SATL1: variants seen among roughly 807,000 people sequenced by gnomAD.
SATL1 encodes the protein spermidine/spermine N(1)-acetyltransferase-like protein 1.
A neutral mutation model predicts 51.8 loss-of-function variants in SATL1; 47 were observed. The ratio of observed to expected loss-of-function variants is 0.91; its 90% confidence interval spans 0.72 to 1.16. The LOEUF is 1.16. Ranked by LOEUF, SATL1 falls within the 50% of genes most tolerant of loss-of-function variation. The pLI, the probability that SATL1 is intolerant of heterozygous loss-of-function variation, is 0.00. For missense variants in SATL1, 520 were observed against 526.4 expected (o/e 0.99, Z 0.12); for synonymous variants, 176 against 182.4 (o/e 0.97, Z 0.28).
chrX:85,148,911 C>T (rs747149298), intron 2 of SATL1, among the ~76,000 whole-genome samples: 323 of 110,598 alleles, frequency 2.9e-3, no homozygotes, highest in African/African-American at 8.3e-3. Context: ...CATCAACTAA[C>T]GAGCAAAATA....
intron 2 of SATL1, among the ~76,000 whole-genome samples, chrX:85,150,936 A>G (rs1049106121): frequency 3.4e-4 from 38 of 111,199 alleles, no homozygotes; most frequent in Non-Finnish European, 6.8e-4. Flanking sequence ...CACCGCTCCT[A>G]TTCAACACAG....
intron 2 of SATL1, among the ~76,000 whole-genome samples, chrX:85,193,923 T>G (rs1469889112): frequency 8.9e-6 from 1 of 112,070 alleles, no homozygotes; most frequent in Non-Finnish European, 1.9e-5. Context: ...TTGTCGTTGG[T>G]GGGCATTTAG....
At chrX:85,144,402 C>A (rs1230403603) in intron 2 of SATL1, among the ~76,000 whole-genome samples, 1 of 111,556 alleles carries the variant, frequency 9.0e-6, no homozygotes, top group Admixed American at 9.6e-5. Flanking sequence ...CTAATCTCAT[C>A]AAAGAAGCTT....
At chrX:85,234,786 GA>G (rs1928447243) in intron 1 of SATL1, among the ~76,000 whole-genome samples, 1 of 110,999 alleles carries the variant, frequency 9.0e-6, no homozygotes, top group African/African-American at 3.3e-5. Flanking sequence ...TACAGGAAGG[GA>G]GGAAAGAAGG....
At chrX:85,216,165 C>A (rs996414100) in intron 2 of SATL1, among the ~76,000 whole-genome samples, 3 of 110,813 alleles carry the variant, frequency 2.7e-5, no homozygotes, top group African/African-American at 9.9e-5. Flanking sequence ...GTGACAGGCT[C>A]TTTTTAACAG....
chrX:85,149,612 G>A (rs1200332147), intron 2 of SATL1, among the ~76,000 whole-genome samples: 41 of 107,608 alleles, frequency 3.8e-4, no homozygotes, highest in African/African-American at 1.3e-3. Context: ...ATAACAAACT[G>A]TCTCTCAGAC....
intron 2 of SATL1, among the ~76,000 whole-genome samples, chrX:85,124,629 G>A (rs1009446348): frequency 2.7e-5 from 3 of 111,327 alleles, no homozygotes; most frequent in Non-Finnish European, 5.7e-5. Context: ...CTGTGTGGAG[G>A]GTAGCAAAGA....
chrX:85,097,825 T>C (rs1924776006), intron 4 of SATL1, among the ~76,000 whole-genome samples: 1 of 111,797 alleles, frequency 8.9e-6, no homozygotes, highest in South Asian at 3.7e-4. Context: ...AAAATATCTA[T>C]AAAATACACA....
In SATL1 at chrX:85,173,508, G is replaced by C. The variant is rs1256220466; in HGVS notation, c.-313+50697C>G. Among the ~76,000 whole-genome samples, 6 of 107,546 alleles carry C rather than the reference G, an allele frequency of 5.6e-5. No individual in the cohort carries two copies. In the Admixed American group the frequency reaches 6.0e-4, roughly 11 times the overall value. 93.4% of individuals were successfully genotyped at this position (107,546 alleles called of 115,157 possible). A position where few individuals can be genotyped will look rare whatever the true frequency, so the allele number is the denominator to read the frequency against. ...TTTTCCATGGTTTTCTTTTTTTTAT[G>C]ATATTAAATGTTTTATTTTCTAATA... On this transcript the variant is annotated intron_variant, in intron 2 of 7. Transcript: ENST00000644105.
intron 2 of SATL1, among the ~76,000 whole-genome samples, chrX:85,220,487 A>T (rs1201757018): frequency 1.9e-5 from 2 of 106,732 alleles, no homozygotes; most frequent in Non-Finnish European, 1.9e-5. Flanking sequence ...TGGCTCCAAA[A>T]GAGACCCCTT....
intron 2 of SATL1, among the ~76,000 whole-genome samples, chrX:85,170,780 G>C (rs1001051696): frequency 5.4e-5 from 6 of 111,475 alleles, no homozygotes; most frequent in African/African-American, 1.9e-4. Flanking sequence ...CAATATATGA[G>C]ACAAAAAGAA....
chrX:85,117,922 GCTGT>G (rs1925415890), intron 2 of SATL1, among the ~76,000 whole-genome samples: 1 of 109,397 alleles, frequency 9.1e-6, no homozygotes, highest in Admixed American at 9.9e-5. Context: ...CTTTGTTTTT[GCTGT>G]CTCTTTGCTT....
intron 1 of SATL1, among the ~76,000 whole-genome samples, chrX:85,234,989 T>C (rs1289258693): frequency 3.6e-5 from 4 of 110,249 alleles, no homozygotes; most frequent in Non-Finnish European, 7.6e-5. Flanking sequence ...ACTGCACCCA[T>C]AAAGACACAC....
At chrX:85,100,221 C>A (rs865892008) in intron 4 of SATL1, among the ~76,000 whole-genome samples, 2 of 109,329 alleles carry the variant, frequency 1.8e-5, no homozygotes, top group South Asian at 7.9e-4. Flanking sequence ...AACAAAAAAA[C>A]AAAAAAAATC....
chrX:85,192,676 T>TC (rs1927466145), intron 2 of SATL1, among the ~76,000 whole-genome samples: 1 of 110,584 alleles, frequency 9.0e-6, no homozygotes, highest in Non-Finnish European at 1.9e-5. Flanking sequence ...TCATATATAC[T>TC]CCCCCCATAG....
rs141774005 is a variant in SATL1, at chrX:85,139,647, A to G, written c.-312-30367T>C. Among the ~76,000 whole-genome samples the G allele has an allele frequency of 5.9e-3, 660 of 111,736 alleles. 5 individuals carry two copies. The highest frequency in any genetic ancestry group is 0.02 in the African/African-American group (627 of 30,845). On this transcript the variant is annotated intron_variant, in intron 2 of 7. Transcript: ENST00000644105. ...GAGAGGAACACAAGCTTAGTTCCTCATTACACTGTCCTGAGAAATCTTCGT... is the reference window on the plus strand; with the variant it reads ...GAGAGGAACACAAGCTTAGTTCCTCGTTACACTGTCCTGAGAAATCTTCGT...
chrX:85,133,459 T>G (rs962087256), intron 2 of SATL1, among the ~76,000 whole-genome samples: 2 of 112,446 alleles, frequency 1.8e-5, no homozygotes, highest in African/African-American at 6.5e-5. Context: ...CGCTGAGCCA[T>G]GCGCAGGATA....
At position 85,103,860 on chromosome X, in the gene SATL1, T is replaced by C. The variant is rs758495384; in HGVS notation, c.1693+4A>G. On this transcript the variant is annotated splice_donor_region_variant and intron_variant, in intron 4 of 7. Transcript: ENST00000644105. ...TGCTCTGAAAATACCACAAAACACCTTACCAGCTGCTGTTAACTCCATTGC... is the reference window on the plus strand; with the variant it reads ...TGCTCTGAAAATACCACAAAACACCCTACCAGCTGCTGTTAACTCCATTGC... The C allele has an allele frequency of 8.5e-7, 1 of 1,182,095 alleles. No individual in the cohort carries two copies. Among genetic ancestry groups the C allele is most frequent in the East Asian group, 3.0e-5 (1 of 33,413 alleles).
At chrX:85,163,493 A>G (rs1012914348) in intron 2 of SATL1, among the ~76,000 whole-genome samples, 1 of 111,110 alleles carries the variant, frequency 9.0e-6, no homozygotes, top group Non-Finnish European at 1.9e-5. Flanking sequence ...ATTAATTTTT[A>G]ATTTCCATCT....
Sources: gnomAD v4.1 joint callset for allele counts (sites outside exome capture counted in the v4.1 genomes callset) on GRCh38, gnomAD v4.1.1 for gene constraint, MANE v1.5 for transcripts, NCBI Gene and HGNC (gene_info 2026-07-23, HGNC 2026-07-21) for gene names.